The following NR3C2 variants were observed in gnomAD, a reference collection of about 807,000 sequenced individuals.
NR3C2 encodes nuclear receptor subfamily 3 group C member 2, also known as mineralocorticoid receptor.
Under a neutral mutation model 86.4 loss-of-function variants are expected in NR3C2, and 15 were observed. That is an observed-to-expected ratio of 0.17 (90% confidence interval 0.12 to 0.27). NR3C2 has a LOEUF of 0.27. NR3C2 is among the 10% of genes least tolerant of loss of function. The pLI is 1.00. For missense variants in NR3C2, 960 were observed against 1,195.6 expected (o/e 0.80, Z 2.91); for synonymous variants, 458 against 450.5 (o/e 1.02, Z -0.21).
At chr4:148,252,007 C>T (rs1168877405) in intron 3 of NR3C2, among the ~76,000 whole-genome samples, 1 of 152,068 alleles carries the variant, frequency 6.6e-6, no homozygotes, top group Admixed American at 6.6e-5. Flanking sequence ...AATCAGAAGG[C>T]CTGGGCTGCC....
Position 148,408,994 on chromosome 4 carries a change from C to T in NR3C2, c.1757+26110G>A, listed in dbSNP as rs531644684. Among the ~76,000 whole-genome samples the T allele has an allele frequency of 3.3e-5, 5 of 152,176 alleles. No homozygotes were observed. In the East Asian group the frequency reaches 5.8e-4, roughly 18 times the overall value. ...TACCAAACTTTGTTGAATAATTCTC[C>T]TATTAGTTGTTGTTTTCTAGGTCTT... On this transcript the variant is annotated intron_variant, in intron 2 of 8. Transcript: ENST00000358102.
Position 148,154,477 on chromosome 4 carries a change from T to C in NR3C2, c.2365+74A>G, listed in dbSNP as rs552399459. 7 of 1,336,980 alleles carry C rather than the reference T, an allele frequency of 5.2e-6. No individual in the cohort carries two copies. The Admixed American group carries it at 6.7e-5, about 13-fold the overall frequency. The allele number at this position is 1,336,980 out of a possible 1,614,324, so 82.8% of individuals were successfully genotyped here. ...TAGAACGCAAACTCCTCCTGCATGG[T>C]TGGAGATGGCGAAGTCAGTTGCCCA... On this transcript the variant is annotated intron_variant, in intron 5 of 8. Coordinates refer to ENST00000358102, the MANE Select transcript of NR3C2 (RefSeq NM_000901.5).
intron 4 of NR3C2, among the ~76,000 whole-genome samples, chr4:148,171,164 A>G (rs1253406981): frequency 1.3e-5 from 2 of 152,236 alleles, no homozygotes; most frequent in Non-Finnish European, 2.9e-5. Flanking sequence ...CTGGTCCCCA[A>G]GCGTCGACTT....
chr4:148,410,482 T>G (rs2126565823), intron 2 of NR3C2, among the ~76,000 whole-genome samples: 1 of 152,332 alleles, frequency 6.6e-6, no homozygotes, highest in East Asian at 1.9e-4. Flanking sequence ...TAACAGTAGT[T>G]TATGGGCTTC....
intron 2 of NR3C2, among the ~76,000 whole-genome samples, chr4:148,433,743 C>CA (rs1749908107): frequency 6.6e-6 from 1 of 152,202 alleles, no homozygotes; most frequent in South Asian, 2.1e-4. Context: ...ACATCATTTA[C>CA]AAAAATATTC....
chr4:148,306,120 G>A (rs1034121693), intron 2 of NR3C2, among the ~76,000 whole-genome samples: 1 of 152,170 alleles, frequency 6.6e-6, no homozygotes, highest in Non-Finnish European at 1.5e-5. Context: ...TTCACAAACT[G>A]AATTCTCTCT....
At chr4:148,359,080 C>A (rs951906037) in intron 2 of NR3C2, among the ~76,000 whole-genome samples, 1 of 152,098 alleles carries the variant, frequency 6.6e-6, no homozygotes, top group African/African-American at 2.4e-5. Flanking sequence ...ATGAACTGAT[C>A]ATTGAAATGC....
At chr4:148,306,142 C>T (rs921486992) in intron 2 of NR3C2, among the ~76,000 whole-genome samples, 1 of 152,196 alleles carries the variant, frequency 6.6e-6, no homozygotes. Context: ...TGCAGCTTAG[C>T]AGGTGCTGTT....
At chr4:148,307,899 A>G (rs1485551583) in intron 2 of NR3C2, among the ~76,000 whole-genome samples, 2 of 151,996 alleles carry the variant, frequency 1.3e-5, no homozygotes, top group Admixed American at 1.3e-4. Flanking sequence ...TCTAAAAGAA[A>G]AAAAGTTAAT....
intron 3 of NR3C2, among the ~76,000 whole-genome samples, chr4:148,228,730 A>G (rs1470635455): frequency 6.6e-6 from 1 of 152,218 alleles, no homozygotes; most frequent in Non-Finnish European, 1.5e-5. Context: ...ACAACATTTA[A>G]AAGTCAAAAG....
chr4:148,212,835 T>C (rs1737345649), intron 3 of NR3C2, among the ~76,000 whole-genome samples: 1 of 152,232 alleles, frequency 6.6e-6, no homozygotes, highest in African/African-American at 2.4e-5. Context: ...TGCCTCTTTA[T>C]AAGGACCTAC....
intron 2 of NR3C2, among the ~76,000 whole-genome samples, chr4:148,285,588 T>C (rs538779225): frequency 1.1e-4 from 16 of 152,162 alleles, no homozygotes; most frequent in Non-Finnish European, 2.1e-4. Flanking sequence ...GCGCCTGTAG[T>C]CCCAGCTACT....
At chr4:148,361,994 T>C (rs1365880569) in intron 2 of NR3C2, among the ~76,000 whole-genome samples, 2 of 152,142 alleles carry the variant, frequency 1.3e-5, no homozygotes, top group Non-Finnish European at 2.9e-5. Flanking sequence ...CACACCACCA[T>C]GCCCAGCTAA....
At chr4:148,331,594 AT>A (rs1744239661) in intron 2 of NR3C2, among the ~76,000 whole-genome samples, 1 of 152,264 alleles carries the variant, frequency 6.6e-6, no homozygotes, top group African/African-American at 2.4e-5. Flanking sequence ...TTATGTAAAA[AT>A]TCTACAAATC....
chr4:148,375,233 A>T, intron 2 of NR3C2, among the ~76,000 whole-genome samples: 1 of 152,186 alleles, frequency 6.6e-6, no homozygotes, highest in East Asian at 1.9e-4. Flanking sequence ...AGGTTGGCGT[A>T]TCACTTGAGG....
At position 148,079,174 on chromosome 4, in the gene NR3C2, A is replaced by G. The variant is rs943793877; in HGVS notation, c.*2170T>C. 6.6e-6 allele frequency: 1 copy of G among 152,272 alleles called. No individual in the cohort carries two copies. Among genetic ancestry groups the G allele is most frequent in the African/African-American group, 2.4e-5 (1 of 41,456 alleles). 9.4% of individuals were successfully genotyped at this position (152,272 alleles called of 1,614,324 possible). On this transcript the variant is annotated 3_prime_UTR_variant, in exon 9 of 9. Transcript: ENST00000358102. ...GAACTAAAAGCTGCTTTTGTAAGTAAGCCATTTGTTTGCTAGCAACTCCCA... is the reference window on the plus strand; with the variant it reads ...GAACTAAAAGCTGCTTTTGTAAGTAGGCCATTTGTTTGCTAGCAACTCCCA...
intron 8 of NR3C2, among the ~76,000 whole-genome samples, chr4:148,108,250 C>G (rs759089486): frequency 6.6e-6 from 1 of 152,016 alleles, no homozygotes; most frequent in Non-Finnish European, 1.5e-5. Context: ...ACTACAGGCA[C>G]GCATCACCAC....
chr4:148,242,299 G>A (rs957013033), intron 3 of NR3C2, among the ~76,000 whole-genome samples: 5 of 152,196 alleles, frequency 3.3e-5, no homozygotes, highest in African/African-American at 4.8e-5. Context: ...TGCTGGTGGG[G>A]ATGGAGGAAG....
At chr4:148,394,288 G>A (rs1384691666) in intron 2 of NR3C2, among the ~76,000 whole-genome samples, 1 of 151,910 alleles carries the variant, frequency 6.6e-6, no homozygotes, top group Non-Finnish European at 1.5e-5. Flanking sequence ...AATAGATGTT[G>A]CCTGAACCAA....
Sources: gnomAD v4.1 joint callset for allele counts (sites outside exome capture counted in the v4.1 genomes callset) on GRCh38, gnomAD v4.1.1 for gene constraint, MANE v1.5 for transcripts, NCBI Gene and HGNC (gene_info 2026-07-23, HGNC 2026-07-21) for gene names.